Variants in CEP85 observed in about 807,000 individuals in gnomAD.
CEP85 encodes centrosomal protein of 85 kDa.
Under a neutral mutation model 93.7 loss-of-function variants are expected in CEP85, and 58 were observed. The observed-to-expected ratio is 0.62, with a 90% CI of 0.50 to 0.77. The LOEUF (loss-of-function observed/expected upper bound fraction) is 0.77. Among genes scored for constraint, CEP85 ranks in the 30% least tolerant of loss-of-function variants. CEP85 has a pLI of 0.00. For missense variants in CEP85, 868 were observed against 922.0 expected, an observed-to-expected ratio of 0.94 and a Z score of 0.76; for synonymous variants, 314 against 338.6, an observed-to-expected ratio of 0.93 and a Z score of 0.80.
rs1411708260 is a variant in CEP85 at position 26,276,747 on chromosome 1, C to A, written c.2115C>A (p.Leu705=). Residue 705 remains leucine, a synonymous_variant, in exon 13 of 14, where the codon CTC becomes CTA. Transcript: ENST00000451429. ...GCCATGACCCCAATCTCTCCCTGCT[C>A]CTGGGCATTCACTGTGAGTCCTCAG... ...AQGHDPNLSL[L]LGIHSQHPET... is the part of the protein sequence containing the mutation. The A allele has an allele frequency of 6.2e-7, 1 of 1,613,562 alleles. No homozygotes were observed. The highest frequency in any genetic ancestry group is 1.1e-5 in the South Asian group (1 of 90,986).
Position 26,244,189 on chromosome 1 carries a change from A to C in CEP85, c.79A>C (p.Ser27Arg). 6.2e-7 allele frequency: 1 copy of C among 1,613,578 alleles called. No homozygotes were observed. The highest frequency in any genetic ancestry group is 1.1e-5 in the South Asian group (1 of 90,978). The stretch of plus-strand genomic sequence containing the variant: ...AGGTTCCGATGTGATTCAGAAGGGC[A>C]GTTCCCTGGGGACTGAATGGCAGAC... ...SPSSDVIQKG[S>R]SLGTEWQTPV... The change falls in exon 3 of 14, where the codon AGT becomes CGT. Residue 27 changes from serine (S) to arginine (R), a missense_variant. Coordinates refer to ENST00000451429, the MANE Select transcript of CEP85 (RefSeq NM_001319944.2).
intron 3 of CEP85, chr1:26,254,781 G>A (rs942838608): frequency 5.2e-6 from 1 of 192,276 alleles, no homozygotes; most frequent in African/African-American, 2.4e-5. Flanking sequence ...TTTGATTATA[G>A]CTGAGAGTTG....
At chr1:26,246,843 A>T (rs940898364) in intron 3 of CEP85, among the ~76,000 whole-genome samples, 2 of 152,184 alleles carry the variant, frequency 1.3e-5, no homozygotes, top group Admixed American at 6.5e-5. Flanking sequence ...AAGAAAATAA[A>T]ATGAAATAAC....
rs557657773 is a variant in CEP85, at chr1:26,273,000, C to T, written c.1794+929C>T. Among the ~76,000 whole-genome samples the T allele has an allele frequency of 1.4e-4, 21 of 152,102 alleles. No homozygotes were observed. The South Asian group carries it at 4.4e-3, about 32-fold the overall frequency. Reference sequence around the variant, plus strand: ...AGGCTCAAGTGTGGAAGATTGGCATCCTGGAGAGAAGAAAGGTCCAGGGGG... The same window carrying T: ...AGGCTCAAGTGTGGAAGATTGGCATTCTGGAGAGAAGAAAGGTCCAGGGGG... On this transcript the variant is annotated intron_variant, in intron 11 of 13. Coordinates refer to ENST00000451429, the MANE Select transcript of CEP85 (RefSeq NM_001319944.2).
intron 7 of CEP85, among the ~76,000 whole-genome samples, chr1:26,261,733 A>AT (rs1203914045): frequency 3.9e-5 from 4 of 101,278 alleles, no homozygotes; most frequent in African/African-American, 1.5e-4. Flanking sequence ...TCTTAAAAAA[A>AT]AAAAAAAATT....
At chr1:26,275,573 T>A (rs978352571) in intron 12 of CEP85, among the ~76,000 whole-genome samples, 2 of 152,150 alleles carry the variant, frequency 1.3e-5, no homozygotes, top group African/African-American at 4.8e-5. Context: ...GCCACTGCGC[T>A]GGGCCCAGGA....
chr1:26,255,833 G>C lies in CEP85; in HGVS notation c.871G>C (p.Glu291Gln), dbSNP rs776277007. ...CELSTCRQQL[E>Q]LIRLQMEQMQ... Reference sequence around the variant, plus strand: ...ACTCAGCACTTGTCGGCAGCAGCTGGAATTGATTCGTTTACAGATGGAGCA... The same window carrying C: ...ACTCAGCACTTGTCGGCAGCAGCTGCAATTGATTCGTTTACAGATGGAGCA... The change falls in exon 4 of 14, where the codon GAA becomes CAA. Residue 291 changes from glutamate to glutamine, a missense_variant. Coordinates refer to ENST00000451429, the MANE Select transcript of CEP85 (RefSeq NM_001319944.2). 1.2e-6 allele frequency: 2 copies of C among 1,612,276 alleles called. No individual in the cohort carries two copies. Among genetic ancestry groups the C allele is most frequent in the Non-Finnish European group, 1.7e-6 (2 of 1,178,716 alleles).
chr1:26,237,242 G>T (rs892603924), intron 1 of CEP85, among the ~76,000 whole-genome samples: 9 of 152,010 alleles, frequency 5.9e-5, no homozygotes, highest in African/African-American at 1.9e-4. Flanking sequence ...AATTTTATGT[G>T]TGTGCAATTC....
intron 11 of CEP85, among the ~76,000 whole-genome samples, chr1:26,274,065 T>G (rs996154544): frequency 6.6e-6 from 1 of 151,870 alleles, no homozygotes; most frequent in Non-Finnish European, 1.5e-5. Flanking sequence ...ATAAAAAAAT[T>G]TTCACACTTC....
At chr1:26,258,067 G>T in intron 5 of CEP85, 76 bp from the exon 6 acceptor site, 1 of 952,614 alleles carries the variant, frequency 1.0e-6, no homozygotes, top group Non-Finnish European at 1.7e-6. Context: ...TACGTAATAG[G>T]GATTGTACTT....
At chr1:26,274,494 T>C (rs967887616) in intron 11 of CEP85, among the ~76,000 whole-genome samples, 2 of 152,336 alleles carry the variant, frequency 1.3e-5, no homozygotes, top group East Asian at 3.9e-4. Context: ...ATGGATATGA[T>C]AGCAAGGTAG....
At chr1:26,274,902 A>G in intron 11 of CEP85, 62 bp from the exon 12 acceptor site, 2 of 1,329,846 alleles carry the variant, frequency 1.5e-6, no homozygotes, top group Non-Finnish European at 2.1e-6. Flanking sequence ...CAGCGGTGAT[A>G]TTGTCTGAAC....
chr1:26,244,914 A>G (rs1047700348), intron 3 of CEP85, among the ~76,000 whole-genome samples: 8 of 152,194 alleles, frequency 5.3e-5, no homozygotes, highest in Non-Finnish European at 1.0e-4. Flanking sequence ...ATAGTTTCCT[A>G]TAAATCTTCA....
At chr1:26,243,871 G>A (rs1318854711) in intron 2 of CEP85, among the ~76,000 whole-genome samples, 5 of 151,580 alleles carry the variant, frequency 3.3e-5, no homozygotes, top group Non-Finnish European at 5.9e-5. Context: ...GGTGGTGGGC[G>A]CCTGTAATCC....
At position 26,248,722 on chromosome 1, in the gene CEP85, C is replaced by CTT. The variant is rs573449499; in HGVS notation, c.208+4425_208+4426dup. On this transcript the variant is annotated intron_variant, in intron 3 of 13. Transcript: ENST00000451429. ...TGTTGGCCAGTCTGGGTCTTGAACT[C>CTT]TTTTTTTTTTTTTTTTTTTTTTGAG... 7.8e-3 allele frequency among the ~76,000 whole-genome samples: 440 copies of CTT among 56,192 alleles called. 62 individuals are homozygous for CTT. Among genetic ancestry groups the CTT allele is most frequent in the East Asian group, 0.074 (150 of 2,022 alleles). 36.9% of individuals were successfully genotyped at this position (56,192 alleles called of 152,430 possible).
At chr1:26,264,718 G>A (rs2089866667) in intron 7 of CEP85, among the ~76,000 whole-genome samples, 1 of 152,126 alleles carries the variant, frequency 6.6e-6, no homozygotes, top group Admixed American at 6.6e-5. Flanking sequence ...CTGCTGCCTG[G>A]TGGAGAGGCT....
chr1:26,248,182 T>G (rs2089540880), intron 3 of CEP85, among the ~76,000 whole-genome samples: 1 of 151,952 alleles, frequency 6.6e-6, no homozygotes, highest in Non-Finnish European at 1.5e-5. Context: ...CTGTGTAATA[T>G]TCTATCAATT....
intron 2 of CEP85, 152 bp from the exon 3 acceptor site, chr1:26,244,014 A>G: frequency 2.2e-6 from 1 of 460,538 alleles, no homozygotes; most frequent in East Asian, 3.6e-5. Context: ...AAAAAAAAAA[A>G]AAACTAGATC....
Position 26,258,180 on chromosome 1 carries a change from C to A in CEP85, c.1075C>A (p.Arg359=), listed in dbSNP as rs143678426. 1.2e-6 allele frequency: 2 copies of A among 1,613,912 alleles called. No individual in the cohort carries two copies. The highest frequency in any genetic ancestry group is 2.7e-5 in the African/African-American group (2 of 74,886). ...CATCTCTCAGCTGGAGCAGAAAGTG[C>A]GAGAGAGCGAACTGCAAGTCCACAG... The part of the protein sequence containing the change: ...KHISQLEQKV[R]ESELQVHSAL... The change falls in exon 6 of 14, where the codon CGA becomes AGA. Residue 359 remains arginine (R), a synonymous_variant. Coordinates refer to ENST00000451429, the MANE Select transcript of CEP85 (RefSeq NM_001319944.2).
Sources: gnomAD v4.1 joint callset for allele counts (sites outside exome capture counted in the v4.1 genomes callset) on GRCh38, gnomAD v4.1.1 for gene constraint, MANE v1.5 for transcripts, NCBI Gene and HGNC (gene_info 2026-07-23, HGNC 2026-07-21) for gene names.